The following MGAT4C variants were observed in gnomAD, a reference collection of about 807,000 sequenced individuals.
MGAT4C encodes the protein alpha-1,3-mannosyl-glycoprotein 4-beta-N-acetylglucosaminyltransferase C.
A neutral mutation model predicts 40.1 loss-of-function variants in MGAT4C; 19 were observed. The ratio of observed to expected loss-of-function variants is 0.47; its 90% confidence interval spans 0.33 to 0.70. The LOEUF is 0.70. Among genes scored for constraint, MGAT4C ranks in the 30% least tolerant of loss-of-function variants. MGAT4C has a pLI of 0.02. For missense variants in MGAT4C, 491 were observed against 563.2 expected, an observed-to-expected ratio of 0.87 and a Z score of 1.30; for synonymous variants, 181 against 187.1, an observed-to-expected ratio of 0.97 and a Z score of 0.27.
chr12:86,800,776 T>G (rs1327830976), intron 1 of MGAT4C, among the ~76,000 whole-genome samples: 1 of 151,862 alleles, frequency 6.6e-6, no homozygotes, highest in Non-Finnish European at 1.5e-5. Context: ...GACAAAGACT[T>G]TCTCCATGAC....
chr12:86,763,718 A>C (rs1454570386), intron 1 of MGAT4C, among the ~76,000 whole-genome samples: 3 of 152,062 alleles, frequency 2.0e-5, no homozygotes, highest in Non-Finnish European at 2.9e-5. Flanking sequence ...AATAACACAC[A>C]CACAAATGTG....
Position 86,701,764 on chromosome 12 carries a change from T to C in MGAT4C, c.-229+25445A>G, listed in dbSNP as rs151123743. Among the ~76,000 whole-genome samples the C allele has an allele frequency of 3.4e-4, 52 of 152,192 alleles. No homozygotes were observed. In the East Asian group the frequency reaches 9.9e-3, roughly 29 times the overall value. ...GGCCTCTTGTGACAAATAGCCAATATGTGAATAGAAGGTAAAACTTTTTGA... is the reference window on the plus strand; with the variant it reads ...GGCCTCTTGTGACAAATAGCCAATACGTGAATAGAAGGTAAAACTTTTTGA... On this transcript the variant is annotated intron_variant, in intron 2 of 7. Transcript: ENST00000548651.
At chr12:86,125,532 A>G (rs998976571) in intron 1 of MGAT4C, among the ~76,000 whole-genome samples, 4 of 152,190 alleles carry the variant, frequency 2.6e-5, no homozygotes, top group African/African-American at 9.7e-5. Flanking sequence ...ACCCAATAAC[A>G]AAGATGAAAA....
intron 1 of MGAT4C, among the ~76,000 whole-genome samples, chr12:86,236,472 C>G (rs1428451967): frequency 6.6e-6 from 1 of 151,976 alleles, no homozygotes; most frequent in Non-Finnish European, 1.5e-5. Flanking sequence ...TTATTTCTAG[C>G]AAGGAAGATG....
chr12:86,765,503 G>A (rs1490792292), intron 1 of MGAT4C, among the ~76,000 whole-genome samples: 2 of 152,088 alleles, frequency 1.3e-5, no homozygotes, highest in East Asian at 3.9e-4. Flanking sequence ...TCAGAATCAG[G>A]AAATATAGAG....
intron 2 of MGAT4C, among the ~76,000 whole-genome samples, chr12:86,657,665 T>C (rs550242042): frequency 7.3e-4 from 111 of 151,936 alleles, no homozygotes; most frequent in Admixed American, 1.5e-3. Flanking sequence ...ATAACTAGCA[T>C]GGGAGCAATT....
chr12:86,590,417 C>G (rs1961280354), intron 2 of MGAT4C, among the ~76,000 whole-genome samples: 1 of 151,836 alleles, frequency 6.6e-6, no homozygotes, highest in African/African-American at 2.4e-5. Flanking sequence ...GGTTCCTGCT[C>G]ACTACATATG....
chr12:86,615,103 G>A (rs1962408080), intron 2 of MGAT4C, among the ~76,000 whole-genome samples: 1 of 151,896 alleles, frequency 6.6e-6, no homozygotes, highest in Non-Finnish European at 1.5e-5. Flanking sequence ...GGTTAATTGA[G>A]GATAGATCCA....
At chr12:86,412,561 C>A (rs1956627748) in intron 3 of MGAT4C, among the ~76,000 whole-genome samples, 1 of 152,166 alleles carries the variant, frequency 6.6e-6, no homozygotes, top group South Asian at 2.1e-4. Flanking sequence ...AGTATTTAAC[C>A]AATGCCTGTA....
chr12:86,630,781 C>T (rs1050793704), intron 2 of MGAT4C, among the ~76,000 whole-genome samples: 1 of 152,116 alleles, frequency 6.6e-6, no homozygotes, highest in African/African-American at 2.4e-5. Flanking sequence ...TTATGACAAG[C>T]CCACAGCCAG....
At chr12:85,989,339 C>A in intron 3 of MGAT4C, 61 bp downstream of exon 3, 2 of 1,439,856 alleles carry the variant, frequency 1.4e-6, no homozygotes, top group Non-Finnish European at 9.3e-7. Context: ...TACAATGGGA[C>A]TAATTCTTGT....
chr12:86,388,419 A>G (rs1956099683), intron 3 of MGAT4C, among the ~76,000 whole-genome samples: 1 of 152,168 alleles, frequency 6.6e-6, no homozygotes, highest in Admixed American at 6.5e-5. Context: ...TTAGCTCATT[A>G]GAACTTCTTT....
intron 1 of MGAT4C, among the ~76,000 whole-genome samples, chr12:86,835,567 T>C (rs1953020677): frequency 6.6e-6 from 1 of 151,980 alleles, no homozygotes; most frequent in Admixed American, 6.6e-5. Flanking sequence ...GGATTTATTG[T>C]CTTGTCTTCT....
chr12:86,798,693 G>T (rs1463840727), intron 1 of MGAT4C, among the ~76,000 whole-genome samples: 1 of 151,886 alleles, frequency 6.6e-6, no homozygotes, highest in South Asian at 2.1e-4. Context: ...GTATGCCATT[G>T]TAATAATGCT....
At chr12:86,511,608 G>C (rs528383400) in intron 2 of MGAT4C, among the ~76,000 whole-genome samples, 2 of 152,158 alleles carry the variant, frequency 1.3e-5, no homozygotes, top group African/African-American at 4.8e-5. Flanking sequence ...CAAATATACA[G>C]TCAACTGATC....
At chr12:86,273,980 A>G (rs1325362133) in intron 4 of MGAT4C, among the ~76,000 whole-genome samples, 1 of 152,200 alleles carries the variant, frequency 6.6e-6, no homozygotes, top group Non-Finnish European at 1.5e-5. Flanking sequence ...ACAGTTCCAC[A>G]GGTGGTACAA....
At chr12:86,157,156 C>T (rs947118822) in intron 1 of MGAT4C, among the ~76,000 whole-genome samples, 1 of 151,904 alleles carries the variant, frequency 6.6e-6, no homozygotes, top group Non-Finnish European at 1.5e-5. Flanking sequence ...ACACATATTG[C>T]AATATTTTTA....
rs1882763066 is a variant in MGAT4C, at chr12:85,955,776, C to G, written c.*23513G>C. On this transcript the variant is annotated 3_prime_UTR_variant, in exon 5 of 5. Transcript: ENST00000611864. ...TAAATTGCAGACACAGGTATTAAAG[C>G]CATCAAGCATACTGGTTCACCATGT... 1 of 151,998 alleles carries G rather than the reference C, an allele frequency of 6.6e-6. No individual in the cohort carries two copies. Among genetic ancestry groups the G allele is most frequent in the South Asian group, 2.1e-4 (1 of 4,828 alleles). 9.4% of individuals were successfully genotyped at this position (151,998 alleles called of 1,614,324 possible).
intron 1 of MGAT4C, among the ~76,000 whole-genome samples, chr12:86,076,233 G>A (rs889257218): frequency 6.6e-6 from 1 of 152,184 alleles, no homozygotes. Flanking sequence ...CATAAGAAGA[G>A]TCACCTTTGC....
Sources: gnomAD v4.1 joint callset for allele counts (sites outside exome capture counted in the v4.1 genomes callset) on GRCh38, gnomAD v4.1.1 for gene constraint, MANE v1.5 for transcripts, NCBI Gene and HGNC (gene_info 2026-07-23, HGNC 2026-07-21) for gene names.